Variants in LRRK2 observed in about 807,000 individuals in gnomAD.
LRRK2 encodes leucine rich repeat kinase 2.
LRRK2 carries 203 observed loss-of-function variants against 302.6 expected under a neutral mutation model. That is an observed-to-expected ratio of 0.67 (90% CI 0.60 to 0.75). The LOEUF is 0.75. Ranked by LOEUF, LRRK2 falls within the 30% of genes least tolerant of loss-of-function variation. The probability of loss-of-function intolerance (pLI) is 0.00; values close to 1 mark genes in which losing one functional copy is unlikely to be tolerated. For synonymous variants in LRRK2, 1,066 were observed against 1,031.9 expected, an observed-to-expected ratio of 1.03 and a Z score of -0.63; for missense variants, 2,830 against 2,951.0, an observed-to-expected ratio of 0.96 and a Z score of 0.95.
At chr12:40,227,114 TAG>T (rs1448679812) in intron 2 of LRRK2, among the ~76,000 whole-genome samples, 1 of 152,170 alleles carries the variant, frequency 6.6e-6, no homozygotes, top group Admixed American at 6.5e-5. Flanking sequence ...TATTTCTGCC[TAG>T]AGAGTACCAG....
intron 31 of LRRK2, among the ~76,000 whole-genome samples, chr12:40,311,517 G>A (rs964853899): frequency 3.3e-5 from 5 of 152,116 alleles, no homozygotes; most frequent in Non-Finnish European, 5.9e-5. Context: ...TCAAGATACT[G>A]GCTGATAAAT....
intron 14 of LRRK2, among the ~76,000 whole-genome samples, chr12:40,265,904 C>G (rs17490865): frequency 0.061 from 9,333 of 152,074 alleles, 394 homozygotes; most frequent in Admixed American, 0.13. Context: ...AATGGGGAAA[C>G]GATTCCCTAT....
chr12:40,353,135 C>T (rs1946413882), intron 44 of LRRK2, among the ~76,000 whole-genome samples: 1 of 152,040 alleles, frequency 6.6e-6, no homozygotes, highest in Admixed American at 6.5e-5. Flanking sequence ...AGACGCTCCT[C>T]ACTTCCCAGA....
At chr12:40,278,867 C>T (rs1053740214) in intron 18 of LRRK2, among the ~76,000 whole-genome samples, 9 of 152,150 alleles carry the variant, frequency 5.9e-5, no homozygotes, top group African/African-American at 2.2e-4. Flanking sequence ...CCCCATACCT[C>T]CAAACCTCCA....
At position 40,304,029 on chromosome 12, in the gene LRRK2, A is replaced by T; in HGVS notation, c.3672A>T (p.Glu1224Asp). Residue 1224 changes from glutamate to aspartate, a missense_variant, in exon 27 of 51, where the codon GAA (glutamate) becomes GAT (aspartate). Physicochemically the swap from Glu to Asp is conservative, Grantham distance 45 (BLOSUM62 2). Coordinates refer to ENST00000298910, the MANE Select transcript of LRRK2 (RefSeq NM_198578.4). Reference protein sequence around the residue: ...PAHWKSLNLRELLFSHNQISI... With the variant: ...PAHWKSLNLRDLLFSHNQISI... ...ACTGGAAATCTTTGAACTTAAGGGA[A>T]CTCTTATTTAGCCATAATCAGATCA... 6.2e-7 allele frequency: 1 copy of T among 1,613,608 alleles called. No individual in the cohort carries two copies.
intron 14 of LRRK2, among the ~76,000 whole-genome samples, chr12:40,264,416 C>T (rs1047662615): frequency 7.9e-5 from 12 of 152,066 alleles, no homozygotes; most frequent in African/African-American, 2.2e-4. Flanking sequence ...GTCAGGAGTT[C>T]GAGAGCAACC....
At chr12:40,280,265 CAT>C (rs1447655450) in intron 18 of LRRK2, among the ~76,000 whole-genome samples, 1 of 150,838 alleles carries the variant, frequency 6.6e-6, no homozygotes, top group Non-Finnish European at 1.5e-5. Flanking sequence ...ACTTGAGAAA[CAT>C]AGTGAGACTC....
rs540644391 is a variant in LRRK2, at chr12:40,359,720, A to G, written c.7028+276A>G. The stretch of plus-strand genomic sequence containing the variant: ...TATTTATCAATCTAAATTTTTTAAC[A>G]ATTTTTATTATCTGTGTTTCAAATT... On this transcript the variant is annotated intron_variant, in intron 47 of 50. Transcript: ENST00000298910. Among the ~76,000 whole-genome samples the G allele has an allele frequency of 3.9e-5, 6 of 152,240 alleles. No individual in the cohort carries two copies. In the South Asian group the frequency reaches 6.2e-4, roughly 16 times the overall value.
At chr12:40,283,441 G>A (rs1317774461) in intron 18 of LRRK2, among the ~76,000 whole-genome samples, 1 of 152,182 alleles carries the variant, frequency 6.6e-6, no homozygotes, top group Non-Finnish European at 1.5e-5. Flanking sequence ...CAATAGCTAT[G>A]TCCCCATTTA....
chr12:40,314,295 C>T (rs1945137352), intron 32 of LRRK2, 122 bp downstream of exon 32: 6 of 987,538 alleles, frequency 6.1e-6, no homozygotes, highest in Non-Finnish European at 9.2e-6. Flanking sequence ...CTTTAATAGG[C>T]CACTGATTTT....
chr12:40,365,718 T>C (rs1022825315), intron 49 of LRRK2: 5 of 151,956 alleles, frequency 3.3e-5, no homozygotes, highest in African/African-American at 1.2e-4. Flanking sequence ...AAAACTAGAA[T>C]TTATGTAACT....
At chr12:40,246,456 C>CT (rs1482870293) in intron 7 of LRRK2, among the ~76,000 whole-genome samples, 1 of 151,864 alleles carries the variant, frequency 6.6e-6, no homozygotes, top group East Asian at 1.9e-4. Flanking sequence ...TTTACCCTTT[C>CT]TTTTTTGTTA....
intron 38 of LRRK2, among the ~76,000 whole-genome samples, chr12:40,326,428 T>C (rs1488755900): frequency 7.0e-6 from 1 of 142,778 alleles, no homozygotes. Flanking sequence ...ATCGCGCCAC[T>C]GCACTCCAGC....
chr12:40,252,089 A>G (rs2136481881), intron 10 of LRRK2, among the ~76,000 whole-genome samples: 1 of 152,318 alleles, frequency 6.6e-6, no homozygotes, highest in East Asian at 1.9e-4. Context: ...TCTCTCCCAA[A>G]GATACAAGCT....
chr12:40,321,132 G>T lies in LRRK2; in HGVS notation c.5114G>T (p.Trp1705Leu), dbSNP rs370503302. ...YEMPYFPMGF[W>L]SRLINRLLEI... ...ATGCCTTATTTTCCAATGGGATTTT[G>T]GTCAAGATTAATCAATCGATTACTT... The change falls in exon 35 of 51, where the codon TGG becomes TTG. Residue 1705 changes from tryptophan (W) to leucine (L), a missense_variant. Physicochemically the swap from Trp to Leu is moderately conservative, Grantham distance 61 (BLOSUM62 -2). Coordinates refer to ENST00000298910, the MANE Select transcript of LRRK2 (RefSeq NM_198578.4). 2.5e-6 allele frequency: 4 copies of T among 1,612,684 alleles called. No homozygotes were observed. In the South Asian group the frequency reaches 3.3e-5, roughly 13 times the overall value.
intron 16 of LRRK2, among the ~76,000 whole-genome samples, chr12:40,276,999 C>T (rs4272849): frequency 0.4 from 60,867 of 151,656 alleles, 12,766 homozygotes; most frequent in South Asian, 0.54. Context: ...GGTGCATGCA[C>T]GGGTAATTTT....
rs753554148 is a variant in LRRK2 at position 40,298,361 on chromosome 12, C to T, written c.3215C>T (p.Pro1072Leu). The change falls in exon 24 of 51, where the codon CCC becomes CTC. Residue 1072 changes from proline to leucine, a missense_variant. Pro to Leu is a moderately conservative substitution (Grantham distance 98). Around this residue, in one of 3 missense-constraint regions of LRRK2, gnomAD observed 2,121 missense variants for 2,148.0 expected, o/e 0.99. Coordinates refer to ENST00000298910, the MANE Select transcript of LRRK2 (RefSeq NM_198578.4). Reference sequence around the variant, plus strand: ...GATGTCTCTCGAAATGACATTGGACCCTCAGTGGTTTTAGATCCTACAGTG... The same window carrying T: ...GATGTCTCTCGAAATGACATTGGACTCTCAGTGGTTTTAGATCCTACAGTG... ...NLDVSRNDIG[P>L]SVVLDPTVKC... 5 of 1,613,622 alleles carry T rather than the reference C, an allele frequency of 3.1e-6. No homozygotes were observed. The highest frequency in any genetic ancestry group is 4.2e-6 in the Non-Finnish European group (5 of 1,179,930).
At chr12:40,363,043 A>G (rs946230287) in intron 47 of LRRK2, among the ~76,000 whole-genome samples, 3 of 152,084 alleles carry the variant, frequency 2.0e-5, no homozygotes, top group Admixed American at 2.0e-4. Flanking sequence ...TTTTGCAAGA[A>G]CATTCAAAAG....
chr12:40,335,278 A>T, intron 40 of LRRK2, 121 bp downstream of exon 40: 1 of 1,089,800 alleles, frequency 9.2e-7, no homozygotes, highest in Non-Finnish European at 1.4e-6. Context: ...AACAATTTGG[A>T]TGAAAACTAC....
Sources: gnomAD v4.1 joint callset for allele counts (sites outside exome capture counted in the v4.1 genomes callset) on GRCh38, gnomAD v4.1.1 for gene constraint, gnomAD v4.1.1 regional missense constraint, MANE v1.5 for transcripts, NCBI Gene and HGNC (gene_info 2026-07-23, HGNC 2026-07-21) for gene names.